CTBP2: variants seen among roughly 807,000 people sequenced by gnomAD.
CTBP2 encodes C-terminal binding protein 2.
Under a neutral mutation model 80.3 loss-of-function variants are expected in CTBP2, and 30 were observed. The ratio of observed to expected loss-of-function variants is 0.37; its 90% confidence interval spans 0.28 to 0.51. The LOEUF is 0.51. CTBP2 is among the 20% of genes least tolerant of loss of function. The pLI is 0.93. For missense variants in CTBP2, 1,212 were observed against 1,375.3 expected, an observed-to-expected ratio of 0.88 and a Z score of 1.88; for synonymous variants, 594 against 587.4, an observed-to-expected ratio of 1.01 and a Z score of -0.16.
chr10:125,098,657 G>GAGAGA (rs1849948390), intron 2 of CTBP2, among the ~76,000 whole-genome samples: 1 of 44,996 alleles, frequency 2.2e-5, no homozygotes, highest in Admixed American at 2.7e-4. Flanking sequence ...TGGGGGAGGG[G>GAGAGA]GAGAGAGAGA....
chr10:125,068,519 C>T (rs547974281), intron 2 of CTBP2, among the ~76,000 whole-genome samples: 38 of 152,316 alleles, frequency 2.5e-4, no homozygotes, highest in African/African-American at 6.3e-4. Flanking sequence ...AACACACAGG[C>T]CACAGGTTTC....
intron 1 of CTBP2, among the ~76,000 whole-genome samples, chr10:125,145,540 C>T (rs1377305308): frequency 6.6e-6 from 1 of 152,180 alleles, no homozygotes; most frequent in African/African-American, 2.4e-5. Context: ...GTTGCTAGCA[C>T]TTATCTGCTC....
At chr10:125,087,474 C>T (rs1470675186) in intron 2 of CTBP2, among the ~76,000 whole-genome samples, 1 of 152,118 alleles carries the variant, frequency 6.6e-6, no homozygotes, top group Non-Finnish European at 1.5e-5. Flanking sequence ...TCCATGAGGA[C>T]GAATGTCCAC....
intron 1 of CTBP2, among the ~76,000 whole-genome samples, chr10:125,156,660 G>C (rs778007105): frequency 1.3e-5 from 2 of 152,146 alleles, no homozygotes; most frequent in Non-Finnish European, 2.9e-5. Context: ...TGCACTGCTT[G>C]TTCAGTACAT....
At chr10:125,032,054 G>GA (rs954723571), upstream of CTBP2, among the ~76,000 whole-genome samples, 292 of 143,266 alleles carry the variant, frequency 2.0e-3, 3 homozygotes, top group African/African-American at 5.3e-3. Context: ...GGTTTCAAAA[G>GA]AAAAAAAAAA....
rs1403700551 is a variant in CTBP2, at chr10:125,058,890, T to TGC, written c.-101-19736_-101-19735insGC. ...GCCTGGGCGACAGGGTGAGACTCTG[T>TGC]CTCAAAATAAAAAGGCACAGAGAGA... is the stretch of plus-strand genomic sequence containing the variant. On this transcript the variant is annotated intron_variant, in intron 2 of 10. Transcript: ENST00000337195. Among the ~76,000 whole-genome samples the TGC allele has an allele frequency of 3.9e-5, 6 of 152,190 alleles. No individual in the cohort carries two copies. In the East Asian group the frequency reaches 1.2e-3, roughly 29 times the overall value.
chr10:125,107,173 C>T (rs767417418), intron 2 of CTBP2, among the ~76,000 whole-genome samples: 1 of 152,236 alleles, frequency 6.6e-6, no homozygotes, highest in Non-Finnish European at 1.5e-5. Context: ...CGAAGGCTGG[C>T]TAAAGCTTCG....
chr10:125,053,714 G>A (rs1963296975), intron 2 of CTBP2, among the ~76,000 whole-genome samples: 1 of 152,210 alleles, frequency 6.6e-6, no homozygotes, highest in East Asian at 1.9e-4. Flanking sequence ...AGATGGGAGG[G>A]GAGATCTCAG....
intron 2 of CTBP2, among the ~76,000 whole-genome samples, chr10:125,071,135 C>T (rs949231036): frequency 1.3e-5 from 2 of 152,202 alleles, no homozygotes; most frequent in Non-Finnish European, 2.9e-5. Context: ...AGGGCTGCCA[C>T]GACCTCGTAT....
chr10:125,076,679 C>A (rs1846320614), intron 2 of CTBP2, among the ~76,000 whole-genome samples: 1 of 152,168 alleles, frequency 6.6e-6, no homozygotes, highest in Admixed American at 6.5e-5. Context: ...AAGGACCAGA[C>A]AAAACCCAGT....
rs1953119958 is a variant in CTBP2, at chr10:124,994,136, T to TG, written c.2401-152dup. On this transcript the variant is annotated intron_variant, in intron 5 of 8. Transcript: ENST00000309035. ...TTTGAGGGAAGGGAGTGGGAAGTGT[T>TG]GGTGACGGCTGGAAGCCAGGGCCGT... The TG allele has an allele frequency of 2.0e-5, 22 of 1,090,580 alleles. No individual in the cohort carries two copies. In the South Asian group the frequency reaches 2.9e-4, roughly 15 times the overall value. 67.6% of individuals were successfully genotyped at this position (1,090,580 alleles called of 1,614,324 possible).
At chr10:125,024,259 A>G (rs978870935) in intron 1 of CTBP2, among the ~76,000 whole-genome samples, 3 of 152,150 alleles carry the variant, frequency 2.0e-5, no homozygotes, top group African/African-American at 7.2e-5. Context: ...TAATGCCACA[A>G]TCAGCATACG....
At chr10:125,005,846 C>G in intron 1 of CTBP2, 1 of 1,582,440 alleles carries the variant, frequency 6.3e-7, no homozygotes, top group South Asian at 1.1e-5. Context: ...AGGAACACCC[C>G]AACTTCACTT....
At chr10:125,038,368 C>A (rs1362150688) in intron 3 of CTBP2, among the ~76,000 whole-genome samples, 1 of 152,094 alleles carries the variant, frequency 6.6e-6, no homozygotes, top group Non-Finnish European at 1.5e-5. Context: ...GTAGCACTGA[C>A]CCCATCTGGC....
At chr10:125,038,430 C>G (rs1959106487) in intron 3 of CTBP2, among the ~76,000 whole-genome samples, 1 of 152,294 alleles carries the variant, frequency 6.6e-6, no homozygotes, top group African/African-American at 2.4e-5. Context: ...TTACCACCCG[C>G]TAGCTGGAAG....
At chr10:125,043,274 T>A (rs1334051500) in intron 2 of CTBP2, among the ~76,000 whole-genome samples, 1 of 152,198 alleles carries the variant, frequency 6.6e-6, no homozygotes, top group Non-Finnish European at 1.5e-5. Context: ...GTTCCCCTCA[T>A]CAAGCACAGT....
intron 2 of CTBP2, among the ~76,000 whole-genome samples, chr10:125,085,736 T>C (rs1003832391): frequency 6.6e-6 from 1 of 152,234 alleles, no homozygotes; most frequent in African/African-American, 2.4e-5. Flanking sequence ...GTAATCTCAA[T>C]GCACAGCTCT....
chr10:125,085,431 C>A (rs1386548493), intron 2 of CTBP2, among the ~76,000 whole-genome samples: 2 of 152,226 alleles, frequency 1.3e-5, no homozygotes, highest in East Asian at 1.9e-4. Flanking sequence ...GCTCTGCGGG[C>A]ATATGGCAGG....
intron 3 of CTBP2, among the ~76,000 whole-genome samples, chr10:125,002,395 G>A (rs990986408): frequency 2.0e-5 from 3 of 152,202 alleles, no homozygotes; most frequent in South Asian, 4.1e-4. Flanking sequence ...CCCAACTCTG[G>A]GTTCCCGCCT....
Sources: gnomAD v4.1 joint callset for allele counts (sites outside exome capture counted in the v4.1 genomes callset) on GRCh38, gnomAD v4.1.1 for gene constraint, MANE v1.5 for transcripts, NCBI Gene and HGNC (gene_info 2026-07-23, HGNC 2026-07-21) for gene names.